Variants in GLCCI1 observed in about 807,000 individuals in gnomAD.
GLCCI1 encodes the protein glucocorticoid induced 1, also known as glucocorticoid-induced transcript 1 protein.
A neutral mutation model predicts 52.2 loss-of-function variants in GLCCI1; 24 were observed. The observed-to-expected ratio is 0.46, with a 90% CI of 0.33 to 0.65. GLCCI1 has a LOEUF of 0.65. Ranked by LOEUF, GLCCI1 falls within the 30% of genes least tolerant of loss-of-function variation. The pLI, the probability that GLCCI1 is intolerant of heterozygous loss-of-function variation, is 0.02. For synonymous variants in GLCCI1, 310 were observed against 276.5 expected (o/e 1.12, Z -1.20); for missense variants, 704 against 701.5 (o/e 1.00, Z -0.04).
chr7:8,003,768 A>G (rs1359590594), intron 1 of GLCCI1, 140 bp from the exon 2 acceptor site: 1 of 644,308 alleles, frequency 1.6e-6, no homozygotes, highest in African/African-American at 1.8e-5. Flanking sequence ...ATTTCATCTG[A>G]TCATACAACA....
At chr7:8,017,524 T>A (rs1054268181) in intron 2 of GLCCI1, among the ~76,000 whole-genome samples, 6 of 152,188 alleles carry the variant, frequency 3.9e-5, no homozygotes, top group Middle Eastern at 3.2e-3. Flanking sequence ...AGTCTGAGGT[T>A]GAGCCTGAGA....
intron 3 of GLCCI1, among the ~76,000 whole-genome samples, chr7:8,043,628 T>C (rs1782052381): frequency 6.6e-6 from 1 of 152,202 alleles, no homozygotes; most frequent in Non-Finnish European, 1.5e-5. Flanking sequence ...GATGAAAAAG[T>C]CCTAAAATTG....
intron 6 of GLCCI1, among the ~76,000 whole-genome samples, chr7:8,081,595 G>C (rs1782994852): frequency 6.6e-6 from 1 of 152,102 alleles, no homozygotes. Flanking sequence ...CAATATACCA[G>C]ATATAATAAA....
At chr7:8,016,648 A>C (rs1431422757) in intron 2 of GLCCI1, among the ~76,000 whole-genome samples, 1 of 152,196 alleles carries the variant, frequency 6.6e-6, no homozygotes, top group Non-Finnish European at 1.5e-5. Flanking sequence ...GTATAAACTA[A>C]GGGAAAACTT....
At position 8,086,161 on chromosome 7, in the gene GLCCI1, A is replaced by T. The variant is rs544282654; in HGVS notation, c.1299-32A>T. 4 of 1,535,220 alleles carry T rather than the reference A, an allele frequency of 2.6e-6. No individual in the cohort carries two copies. The South Asian group carries it at 4.9e-5, about 19-fold the overall frequency. On this transcript the variant is annotated intron_variant, in intron 7 of 7. Transcript: ENST00000223145. This position sits in a 1 kb window ranked among gnomAD's most constrained non-coding sequence, Gnocchi z 4.4. ...ATGCTTAACTTTTTCTGTGTTCATG[A>T]TTATAAATCTAATTTTGTTTTATGG...
chr7:8,060,340 T>C (rs994681708), intron 5 of GLCCI1, 92 bp downstream of exon 5: 4 of 960,054 alleles, frequency 4.2e-6, no homozygotes, highest in South Asian at 3.2e-5. Flanking sequence ...TGTTAAGATA[T>C]AATTCACATA....
intron 1 of GLCCI1, among the ~76,000 whole-genome samples, chr7:7,998,328 G>GC (rs893154047): frequency 3.3e-5 from 5 of 152,044 alleles, no homozygotes; most frequent in Non-Finnish European, 5.9e-5. Context: ...CAATTCACCT[G>GC]CCTCAGCCTC....
intron 1 of GLCCI1, among the ~76,000 whole-genome samples, chr7:7,978,558 A>G (rs1212234811): frequency 1.3e-5 from 2 of 152,124 alleles, no homozygotes; most frequent in Admixed American, 6.5e-5. Flanking sequence ...TGTGCTTACT[A>G]TAAGTTCTGC....
At chr7:7,979,764 T>A (rs1780570161) in intron 1 of GLCCI1, among the ~76,000 whole-genome samples, 1 of 152,212 alleles carries the variant, frequency 6.6e-6, no homozygotes, top group African/African-American at 2.4e-5. Context: ...AGTGATGCCT[T>A]GTGAGGCTGT....
intron 2 of GLCCI1, among the ~76,000 whole-genome samples, chr7:8,014,757 T>C (rs569593618): frequency 6.6e-6 from 1 of 152,198 alleles, no homozygotes; most frequent in Admixed American, 6.5e-5. Flanking sequence ...ACTTGGTCTC[T>C]TGGTTGATAT....
chr7:8,021,247 C>G (rs903007738), intron 2 of GLCCI1, among the ~76,000 whole-genome samples: 1 of 152,012 alleles, frequency 6.6e-6, no homozygotes, highest in Admixed American at 6.6e-5. Context: ...ACAAGTATGG[C>G]CTTAATATAA....
chr7:8,085,072 T>G, intron 7 of GLCCI1, 55 bp downstream of exon 7: 1 of 1,594,592 alleles, frequency 6.3e-7, no homozygotes, highest in South Asian at 1.1e-5. Context: ...AGCTTTTTAC[T>G]GAGACCAGTT....
intron 4 of GLCCI1, among the ~76,000 whole-genome samples, chr7:8,057,930 A>G (rs936953751): frequency 1.3e-5 from 2 of 152,214 alleles, no homozygotes; most frequent in African/African-American, 4.8e-5. Context: ...GTGGAATATG[A>G]AGTCTAGAAT....
intron 3 of GLCCI1, among the ~76,000 whole-genome samples, chr7:8,043,584 GA>G (rs1782051395): frequency 6.6e-6 from 1 of 152,150 alleles, no homozygotes; most frequent in Admixed American, 6.5e-5. Flanking sequence ...ACTGATGATT[GA>G]CAATAAATAG....
Position 8,055,704 on chromosome 7 carries a change from G to A in GLCCI1, c.813+155G>A, listed in dbSNP as rs962289864. On this transcript the variant is annotated intron_variant, in intron 4 of 7. Coordinates refer to ENST00000223145, the MANE Select transcript of GLCCI1 (RefSeq NM_138426.4). ...ATAAAAAGATTGTTAGAAAGCAGCC[G>A]GGCGGCCGGCCTTGGTGGCTCACGC... 1.7e-5 allele frequency: 9 copies of A among 543,912 alleles called. 1 individual carries two copies. Among genetic ancestry groups the A allele is most frequent in the African/African-American group, 9.7e-5 (5 of 51,524 alleles). The allele number at this position is 543,912 out of a possible 1,614,324, so 33.7% of individuals were successfully genotyped here. A position where few individuals can be genotyped will look rare whatever the true frequency, so the allele number is the denominator to read the frequency against.
chr7:8,044,658 A>G (rs1253564326), intron 3 of GLCCI1, among the ~76,000 whole-genome samples: 1 of 152,238 alleles, frequency 6.6e-6, no homozygotes, highest in African/African-American at 2.4e-5. Context: ...GGTGTGGGCC[A>G]CTGTGCCCGG....
At chr7:8,083,036 T>C (rs1322842359) in intron 6 of GLCCI1, among the ~76,000 whole-genome samples, 1 of 152,248 alleles carries the variant, frequency 6.6e-6, no homozygotes, top group Non-Finnish European at 1.5e-5. Context: ...ATCAGGCTGA[T>C]GCTGCTTGTG....
intron 3 of GLCCI1, among the ~76,000 whole-genome samples, chr7:8,041,242 C>T (rs1342072594): frequency 6.6e-6 from 1 of 152,172 alleles, no homozygotes; most frequent in Non-Finnish European, 1.5e-5. Context: ...AAAGCTTAAT[C>T]AGAGAAGGGC....
intron 3 of GLCCI1, among the ~76,000 whole-genome samples, chr7:8,053,187 A>G (rs1782299302): frequency 6.6e-6 from 1 of 151,792 alleles, no homozygotes; most frequent in Admixed American, 6.6e-5. Flanking sequence ...AATTGCATAA[A>G]TGCTTTAATC....
Sources: allele counts gnomAD v4.1 joint callset (sites outside exome capture counted in the v4.1 genomes callset), GRCh38; gene constraint gnomAD v4.1.1; non-coding constraint Gnocchi (gnomAD v3.1); transcripts MANE v1.5; gene names NCBI Gene and HGNC (gene_info 2026-07-23, HGNC 2026-07-21).